Variants in HSPA12A observed in about 807,000 individuals in gnomAD.
HSPA12A encodes the protein heat shock 70 kDa protein 12A.
HSPA12A carries 28 observed loss-of-function variants against 69.2 expected under a neutral mutation model. The ratio of observed to expected loss-of-function variants is 0.40; its 90% CI spans 0.30 to 0.55. HSPA12A has a LOEUF of 0.55. HSPA12A is among the 20% of genes least tolerant of loss of function. HSPA12A has a pLI of 0.38. For synonymous variants in HSPA12A, 345 were observed against 370.5 expected (o/e 0.93, Z 0.79); for missense variants, 686 against 900.7 (o/e 0.76, Z 3.05).
intron 2 of HSPA12A, among the ~76,000 whole-genome samples, chr10:116,808,017 T>A (rs1249195929): frequency 3.3e-5 from 5 of 152,186 alleles, no homozygotes; most frequent in African/African-American, 1.2e-4. Context: ...CATCTCCTCC[T>A]ACAATGTCTC....
chr10:116,768,329 T>C (rs1358939568), intron 2 of HSPA12A, among the ~76,000 whole-genome samples: 1 of 152,122 alleles, frequency 6.6e-6, no homozygotes, highest in East Asian at 1.9e-4. Flanking sequence ...AGCAGATTAG[T>C]GCTTGCCAGG....
chr10:116,739,888 C>A (rs984271332), intron 1 of HSPA12A, among the ~76,000 whole-genome samples: 1 of 152,120 alleles, frequency 6.6e-6, no homozygotes, highest in Non-Finnish European at 1.5e-5. Flanking sequence ...CTCCCCACCC[C>A]ACCCCAACTG....
intron 2 of HSPA12A, among the ~76,000 whole-genome samples, chr10:116,813,247 A>ATTTTTTTT (rs71013618): frequency 0.3 from 29,661 of 99,924 alleles, 7,260 homozygotes; most frequent in Non-Finnish European, 0.38. Flanking sequence ...CCAGAGCTCT[A>ATTTTTTTT]TTTTTTTTTT....
At chr10:116,846,747 G>C (rs1319696369) in intron 1 of HSPA12A, among the ~76,000 whole-genome samples, 1 of 152,158 alleles carries the variant, frequency 6.6e-6, no homozygotes, top group Non-Finnish European at 1.5e-5. Context: ...AGGTCCTGGT[G>C]ATCCCATCAC....
At chr10:116,773,811 T>C (rs1844268985) in intron 2 of HSPA12A, among the ~76,000 whole-genome samples, 2 of 152,152 alleles carry the variant, frequency 1.3e-5, no homozygotes, top group Non-Finnish European at 2.9e-5. Context: ...CCTGTGGTAA[T>C]GATGATGACG....
intron 2 of HSPA12A, among the ~76,000 whole-genome samples, chr10:116,771,219 G>T (rs1554890448): frequency 6.6e-6 from 1 of 152,224 alleles, no homozygotes; most frequent in East Asian, 1.9e-4. Context: ...GCCTGACTGG[G>T]CTGCCCCAGT....
chr10:116,790,149 C>T (rs920567009), intron 2 of HSPA12A, among the ~76,000 whole-genome samples: 3 of 138,228 alleles, frequency 2.2e-5, no homozygotes, highest in East Asian at 2.1e-4. Context: ...TCGCCCAGGC[C>T]GGACTGCAGT....
chr10:116,796,676 T>C (rs1383619488), intron 2 of HSPA12A, among the ~76,000 whole-genome samples: 2 of 152,134 alleles, frequency 1.3e-5, no homozygotes, highest in African/African-American at 2.4e-5. Context: ...CGCTGCAGCA[T>C]CCTAGCTGAG....
chr10:116,783,760 C>A lies in HSPA12A; in HGVS notation c.91+51175G>T, dbSNP rs1045537037. ...ACAGAGTCTCACTCTCTTGCCCAGG[C>A]TGGAGTGCAATGGCTCACTGCAACC... On this transcript the variant is annotated intron_variant, in intron 2 of 12. Coordinates refer to the HSPA12A transcript ENST00000635765. 6.6e-5 allele frequency among the ~76,000 whole-genome samples: 10 copies of A among 152,198 alleles called. No homozygotes were observed. The South Asian group carries it at 2.1e-3, about 32-fold the overall frequency.
At chr10:116,772,686 G>GTTTATTTA (rs781977406) in intron 2 of HSPA12A, among the ~76,000 whole-genome samples, 2 of 151,418 alleles carry the variant, frequency 1.3e-5, no homozygotes, top group Admixed American at 1.3e-4. Context: ...TTATTTATTT[G>GTTTATTTA]TTTATTTATT....
chr10:116,687,472 A>G (rs1283896825), intron 6 of HSPA12A, among the ~76,000 whole-genome samples: 4 of 152,118 alleles, frequency 2.6e-5, no homozygotes, highest in Admixed American at 2.6e-4. Context: ...AGCTGAGGAG[A>G]GGTGAGAAGA....
chr10:116,728,732 G>A (rs1354766134), intron 1 of HSPA12A, among the ~76,000 whole-genome samples: 2 of 152,152 alleles, frequency 1.3e-5, no homozygotes, highest in South Asian at 4.2e-4. Flanking sequence ...CTTATCTAAG[G>A]GTTTTATATG....
Position 116,673,930 on chromosome 10 carries a change from G to A in HSPA12A, c.*851C>T, listed in dbSNP as rs1315295744. 6.6e-6 allele frequency: 1 copy of A among 152,164 alleles called. No homozygotes were observed. Among genetic ancestry groups the A allele is most frequent in the African/African-American group, 2.4e-5 (1 of 41,434 alleles). 9.4% of individuals were successfully genotyped at this position (152,164 alleles called of 1,614,324 possible). On this transcript the variant is annotated 3_prime_UTR_variant, in exon 12 of 12. Coordinates refer to ENST00000369209, the MANE Select transcript of HSPA12A (RefSeq NM_025015.3). ...CTTGGTGATGCAAACAAGACCAATG[G>A]CAACCTCATTTTCTTACCCAGAATT...
chr10:116,790,046 C>T (rs1321348956), intron 2 of HSPA12A, among the ~76,000 whole-genome samples: 1 of 151,922 alleles, frequency 6.6e-6, no homozygotes, highest in Non-Finnish European at 1.5e-5. Flanking sequence ...CCAAGGTCCT[C>T]CCATGGCCCA....
intron 1 of HSPA12A, among the ~76,000 whole-genome samples, chr10:116,837,151 A>T (rs926132266): frequency 1.3e-5 from 2 of 152,214 alleles, no homozygotes; most frequent in Non-Finnish European, 2.9e-5. Context: ...TCATTGCCAC[A>T]CCAATGTGAA....
In HSPA12A at chr10:116,672,329, A is replaced by G. The variant is rs1485478095; in HGVS notation, c.*2452T>C. ...TTCTTAGGTTGTTCTGCGCAGTCAC[A>G]TGGCTTCCAGAACCAGAACGTTCAG... On this transcript the variant is annotated 3_prime_UTR_variant, in exon 12 of 12. Transcript: ENST00000369209. The G allele has an allele frequency of 6.6e-6, 1 of 152,212 alleles. No homozygotes were observed. The highest frequency in any genetic ancestry group is 1.5e-5 in the Non-Finnish European group (1 of 68,040). 9.4% of individuals were successfully genotyped at this position (152,212 alleles called of 1,614,324 possible).
rs1849168421 is a variant in HSPA12A at position 116,674,528 on chromosome 10, C to G, written c.*253G>C. 1 of 528,564 alleles carries G rather than the reference C, an allele frequency of 1.9e-6. No homozygotes were observed. Among genetic ancestry groups the G allele is most frequent in the Non-Finnish European group, 3.4e-6 (1 of 294,970 alleles). The allele number at this position is 528,564 out of a possible 1,614,324, so 32.7% of individuals were successfully genotyped here. Reference sequence around the variant, plus strand: ...CCGTGGCCATTTCACCACTTTTGTACCTATGAAAACTAGCTGCTCCTCCAG... The same window carrying G: ...CCGTGGCCATTTCACCACTTTTGTAGCTATGAAAACTAGCTGCTCCTCCAG... On this transcript the variant is annotated 3_prime_UTR_variant, in exon 12 of 12. Transcript: ENST00000369209.
At chr10:116,786,881 C>A (rs2133145814) in intron 2 of HSPA12A, among the ~76,000 whole-genome samples, 1 of 152,132 alleles carries the variant, frequency 6.6e-6, no homozygotes, top group Admixed American at 6.6e-5. Flanking sequence ...CTCAGGTGAT[C>A]CACCTGCGTC....
At chr10:116,804,213 G>T (rs1178969777) in intron 2 of HSPA12A, among the ~76,000 whole-genome samples, 1 of 152,060 alleles carries the variant, frequency 6.6e-6, no homozygotes, top group Non-Finnish European at 1.5e-5. Context: ...ACCTGACGAC[G>T]GGACGAATCT....
Sources: allele counts gnomAD v4.1 joint callset (sites outside exome capture counted in the v4.1 genomes callset), GRCh38; gene constraint gnomAD v4.1.1; transcripts MANE v1.5; gene names NCBI Gene and HGNC (gene_info 2026-07-23, HGNC 2026-07-21).